Variants in CHST9 observed in about 807,000 individuals in gnomAD.
CHST9 encodes carbohydrate sulfotransferase 9, also known as GalNAc-4-sulfotransferase 2.
Under a neutral mutation model 44.4 loss-of-function variants are expected in CHST9, and 41 were observed. That is an observed-to-expected ratio of 0.92 (90% CI 0.72 to 1.20). The LOEUF (loss-of-function observed/expected upper bound fraction) is 1.20, where lower values mean the gene tolerates loss of function less well. Ranked by LOEUF, CHST9 falls within the 50% of genes most tolerant of loss-of-function variation. CHST9 has a pLI of 0.00. For missense variants in CHST9, 504 were observed against 516.5 expected, an observed-to-expected ratio of 0.98 and a Z score of 0.23; for synonymous variants, 171 against 178.4, an observed-to-expected ratio of 0.96 and a Z score of 0.33.
At chr18:27,001,147 T>C (rs1305648208) in intron 4 of CHST9, among the ~76,000 whole-genome samples, 1 of 152,110 alleles carries the variant, frequency 6.6e-6, no homozygotes, top group Non-Finnish European at 1.5e-5. Flanking sequence ...ACAGGGTCTT[T>C]GAAAAATGAG....
chr18:26,930,914 G>A (rs1252133433), intron 5 of CHST9: 1 of 109,202 alleles, frequency 9.2e-6, no homozygotes, highest in Non-Finnish European at 1.7e-5. Context: ...CAAGTCTCAG[G>A]AAGCAGAATA....
At position 26,915,082 on chromosome 18, in the gene CHST9, T is replaced by C. The variant is rs975295014; in HGVS notation, c.*1177A>G. The C allele has an allele frequency of 4.3e-5, 17 of 396,772 alleles. No individual in the cohort carries two copies. The highest frequency in any genetic ancestry group is 3.1e-4 in the African/African-American group (15 of 48,550). 24.6% of individuals were successfully genotyped at this position (396,772 alleles called of 1,614,324 possible). Reference sequence around the variant, plus strand: ...CATGGACCTATTTTTCTAAGGACTTTGATTTAATATTTGAATGCAATGGTA... The same window carrying C: ...CATGGACCTATTTTTCTAAGGACTTCGATTTAATATTTGAATGCAATGGTA... On this transcript the variant is annotated 3_prime_UTR_variant, in exon 6 of 6. Coordinates refer to ENST00000618847, the MANE Select transcript of CHST9 (RefSeq NM_031422.6).
chr18:27,080,282 C>T (rs1035708961), intron 2 of CHST9, among the ~76,000 whole-genome samples: 1 of 151,924 alleles, frequency 6.6e-6, no homozygotes, highest in African/African-American at 2.4e-5. Flanking sequence ...CTCCACAAGG[C>T]AATATATGCC....
chr18:27,049,201 A>G (rs1415804114), intron 2 of CHST9, among the ~76,000 whole-genome samples: 1 of 152,034 alleles, frequency 6.6e-6, no homozygotes, highest in Non-Finnish European at 1.5e-5. Flanking sequence ...GGGAGTGGAG[A>G]GGAGGGAAGT....
At chr18:26,976,955 T>C (rs968007080) in intron 4 of CHST9, among the ~76,000 whole-genome samples, 18 of 152,056 alleles carry the variant, frequency 1.2e-4, no homozygotes, top group African/African-American at 4.1e-4. Context: ...TCTTCCTCTT[T>C]TATAAAGAAA....
In CHST9 at chr18:26,908,263, A is replaced by G. The variant is rs1404221323; in HGVS notation, c.*7996T>C. ...GAAACCCAATCTCTACTAAAAATAC[A>G]AAAATTAGCTGGGCGTGGTGCTGTG... On this transcript the variant is annotated 3_prime_UTR_variant, in exon 6 of 6. Transcript: ENST00000618847. 6.6e-6 allele frequency: 1 copy of G among 152,280 alleles called. No homozygotes were observed. The highest frequency in any genetic ancestry group is 2.4e-5 in the African/African-American group (1 of 41,452). 9.4% of individuals were successfully genotyped at this position (152,280 alleles called of 1,614,324 possible).
intron 3 of CHST9, 92 bp from the exon 4 acceptor site, chr18:27,024,249 A>G: frequency 1.0e-6 from 1 of 977,978 alleles, no homozygotes; most frequent in Non-Finnish European, 1.5e-6. Flanking sequence ...AAAGCCTCTC[A>G]TATTTTATTT....
chr18:27,088,371 C>A (rs1376317959), intron 2 of CHST9, among the ~76,000 whole-genome samples: 3 of 151,012 alleles, frequency 2.0e-5, no homozygotes, highest in Non-Finnish European at 2.9e-5. Flanking sequence ...ATTTGTACTG[C>A]ATTTCCAATT....
intron 1 of CHST9, among the ~76,000 whole-genome samples, chr18:27,177,607 G>A (rs2058878738): frequency 6.6e-6 from 1 of 151,932 alleles, no homozygotes; most frequent in Non-Finnish European, 1.5e-5. Context: ...ATCTAACAGA[G>A]CCTTCTGAAA....
At chr18:27,137,240 CAT>C (rs1328144413) in intron 2 of CHST9, among the ~76,000 whole-genome samples, 15 of 150,128 alleles carry the variant, frequency 1.0e-4, no homozygotes, top group Admixed American at 2.7e-4. Flanking sequence ...TATATTGACT[CAT>C]AATTGATTAT....
In CHST9 at chr18:27,075,114, G is replaced by A. The variant is rs564077363; in HGVS notation, c.122-26611C>T. On this transcript the variant is annotated intron_variant, in intron 2 of 5. Transcript: ENST00000618847. The stretch of plus-strand genomic sequence containing the variant: ...TGCAGCCATTGCCTCTTTGACTAGC[G>A]TATATTGCAGCTCTTATGAGAGGGT... 2.7e-5 allele frequency among the ~76,000 whole-genome samples: 4 copies of A among 149,920 alleles called. No homozygotes were observed. In the South Asian group the frequency reaches 6.3e-4, roughly 24 times the overall value.
At position 26,908,330 on chromosome 18, in the gene CHST9, T is replaced by C. The variant is rs1217856777; in HGVS notation, c.*7929A>G. The C allele has an allele frequency of 6.6e-6, 1 of 151,870 alleles. No homozygotes were observed. Among genetic ancestry groups the C allele is most frequent in the Admixed American group, 6.6e-5 (1 of 15,240 alleles). The allele number at this position is 151,870 out of a possible 1,614,324, so 9.4% of individuals were successfully genotyped here. A position where few individuals can be genotyped will look rare whatever the true frequency, so the allele number is the denominator to read the frequency against. ...TACTCGGGAGGCTGAGACAGGAGAA[T>C]AGCTTGAACCCAGGACGTGGAGGTT... On this transcript the variant is annotated 3_prime_UTR_variant, in exon 6 of 6. Coordinates refer to ENST00000618847, the MANE Select transcript of CHST9 (RefSeq NM_031422.6).
intron 2 of CHST9, among the ~76,000 whole-genome samples, chr18:27,074,003 G>A (rs1020740044): frequency 1.3e-5 from 2 of 152,118 alleles, no homozygotes; most frequent in African/African-American, 2.4e-5. Context: ...TAGCAACAAA[G>A]CAATAACTGA....
chr18:26,975,529 T>C (rs1374865913), intron 4 of CHST9, among the ~76,000 whole-genome samples: 8 of 151,736 alleles, frequency 5.3e-5, no homozygotes, highest in Non-Finnish European at 8.8e-5. Flanking sequence ...ACATGCAGTA[T>C]TTGTCTTTCT....
intron 2 of CHST9, among the ~76,000 whole-genome samples, chr18:27,080,411 G>A (rs1300670599): frequency 2.0e-5 from 3 of 151,764 alleles, no homozygotes; most frequent in East Asian, 2.0e-4. Context: ...GGATGCCCAA[G>A]CAGAGACGGT....
chr18:26,934,536 A>T (rs1019919200), intron 5 of CHST9: 1 of 152,230 alleles, frequency 6.6e-6, no homozygotes, highest in Non-Finnish European at 1.5e-5. Flanking sequence ...GCCCGGCCGT[A>T]GTTTACATTT....
chr18:27,169,582 T>C (rs923449540), intron 1 of CHST9, among the ~76,000 whole-genome samples: 11 of 146,584 alleles, frequency 7.5e-5, no homozygotes, highest in Non-Finnish European at 1.2e-4. Context: ...CCAAAATGTA[T>C]AAAACATATA....
At chr18:26,952,499 GA>G in intron 4 of CHST9, 2 of 458,460 alleles carry the variant, frequency 4.4e-6, no homozygotes, top group South Asian at 1.8e-5. Flanking sequence ...ATAAACCCTG[GA>G]GGACCAGTCC....
chr18:26,963,183 CAACA>C (rs547600565), intron 4 of CHST9, among the ~76,000 whole-genome samples: 88 of 152,252 alleles, frequency 5.8e-4, no homozygotes, highest in African/African-American at 2.1e-3. Flanking sequence ...GTCTGCCTCT[CAACA>C]TAGAGTTCTT....
Sources: gnomAD v4.1 joint callset for allele counts (sites outside exome capture counted in the v4.1 genomes callset) on GRCh38, gnomAD v4.1.1 for gene constraint, MANE v1.5 for transcripts, NCBI Gene and HGNC (gene_info 2026-07-23, HGNC 2026-07-21) for gene names.